The following ANO1 variants were observed in gnomAD, a reference collection of about 807,000 sequenced individuals.
ANO1 encodes the protein anoctamin-1.
A neutral mutation model predicts 124.0 loss-of-function variants in ANO1; 59 were observed. The observed-to-expected ratio is 0.48, with a 90% CI of 0.39 to 0.59. ANO1 has a LOEUF of 0.59. ANO1 is among the 20% of genes least tolerant of loss of function. ANO1 has a pLI of 0.00. For missense variants in ANO1, 1,059 were observed against 1,328.0 expected (o/e 0.80, Z 3.15); for synonymous variants, 529 against 532.0 (o/e 0.99, Z 0.08).
intron 24 of ANO1, among the ~76,000 whole-genome samples, chr11:70,185,313 C>T (rs900396424): frequency 6.6e-6 from 1 of 152,238 alleles, no homozygotes; most frequent in Admixed American, 6.5e-5. Context: ...TGTGAGCCCA[C>T]GGCTGGGCCT....
chr11:70,182,812 G>T, intron 24 of ANO1, 126 bp downstream of exon 24: 1 of 888,126 alleles, frequency 1.1e-6, no homozygotes, highest in Non-Finnish European at 1.5e-6. Flanking sequence ...AAAAGAAGAA[G>T]AAGGAAAAAA....
At chr11:70,096,956 C>G (rs2045003238) in intron 2 of ANO1, among the ~76,000 whole-genome samples, 1 of 152,086 alleles carries the variant, frequency 6.6e-6, no homozygotes, top group African/African-American at 2.4e-5. Flanking sequence ...TTCCACAATA[C>G]CAGTCCTCCC....
chr11:69,990,276 C>A (rs1856128441), intron 1 of ANO1, among the ~76,000 whole-genome samples: 1 of 152,128 alleles, frequency 6.6e-6, no homozygotes, highest in African/African-American at 2.4e-5. Context: ...TGTCTGGCTT[C>A]TTTCACTTGG....
Position 70,095,299 on chromosome 11 carries a change from G to GGAAGGAAGGAAGGAAA in ANO1, c.441+7218_441+7219insGGAAGGAAGGAAAGAA, listed in dbSNP as rs1555017361. On this transcript the variant is annotated intron_variant, in intron 2 of 25. Transcript: ENST00000355303. ...AGGAAGGAAGGAAGGAAGGAAGGAA[G>GGAAGGAAGGAAGGAAA]GAAAGAAAGAAAGAAAGAAAGGAAA... 6.7e-4 allele frequency among the ~76,000 whole-genome samples: 34 copies of GGAAGGAAGGAAGGAAA among 50,966 alleles called. 3 individuals are homozygous for GGAAGGAAGGAAGGAAA. The highest frequency in any genetic ancestry group is 3.0e-3 in the East Asian group (6 of 1,998). The allele number at this position is 50,966 out of a possible 152,430, so 33.4% of individuals were successfully genotyped here. A position where few individuals can be genotyped will look rare whatever the true frequency, so the allele number is the denominator to read the frequency against.
At chr11:69,976,054 G>C in the ANO1 span, among the ~76,000 whole-genome samples, 1 of 152,156 alleles carries the variant, frequency 6.6e-6, no homozygotes, top group Non-Finnish European at 1.5e-5. Flanking sequence ...ATGCACTGCT[G>C]GTTGCCCTTC....
chr11:70,073,378 G>A (rs531903803), upstream of ANO1, among the ~76,000 whole-genome samples: 22 of 152,314 alleles, frequency 1.4e-4, no homozygotes, highest in African/African-American at 3.1e-4. Flanking sequence ...GCGTCCGTCC[G>A]TGTGAATGCA....
chr11:70,101,512 C>T (rs573650669), intron 2 of ANO1, among the ~76,000 whole-genome samples: 40 of 146,432 alleles, frequency 2.7e-4, no homozygotes, highest in African/African-American at 8.9e-4. Context: ...GCTGAGAACA[C>T]GCCACTGCAT....
intron 1 of ANO1, among the ~76,000 whole-genome samples, chr11:70,039,959 T>G (rs1555004873): frequency 6.6e-6 from 1 of 152,160 alleles, no homozygotes; most frequent in Non-Finnish European, 1.5e-5. Context: ...CTCTGCTAGA[T>G]GACCCAGAAG....
chr11:70,033,314 G>T (rs1857036896), intron 1 of ANO1, among the ~76,000 whole-genome samples: 1 of 152,162 alleles, frequency 6.6e-6, no homozygotes, highest in South Asian at 2.1e-4. Context: ...CTTCTCTGTG[G>T]TTCCAACAAA....
chr11:69,971,634 G>A, the ANO1 span, among the ~76,000 whole-genome samples: 1 of 151,878 alleles, frequency 6.6e-6, no homozygotes, highest in African/African-American at 2.4e-5. Flanking sequence ...CTCACTGGCT[G>A]CCTCCCTGTC....
At chr11:70,179,485 T>C (rs752493349) in intron 22 of ANO1, among the ~76,000 whole-genome samples, 1 of 152,136 alleles carries the variant, frequency 6.6e-6, no homozygotes, top group Non-Finnish European at 1.5e-5. Flanking sequence ...CACCCCTGGG[T>C]CTTGGAGTAA....
Position 70,006,275 on chromosome 11 carries a change from G to A in ANO1, c.58+20109G>A, listed in dbSNP as rs140097479. Reference sequence around the variant, plus strand: ...AAAACTTTCTTCCACCCAAGCGTGTGTTCCCATTGTCAACCTGGTTTTCCC... The same window carrying A: ...AAAACTTTCTTCCACCCAAGCGTGTATTCCCATTGTCAACCTGGTTTTCCC... On this transcript the variant is annotated intron_variant, in intron 1 of 27. Transcript: ENST00000531349. Among the ~76,000 whole-genome samples the A allele has an allele frequency of 7.3e-3, 1,115 of 152,308 alleles. 45 individuals carry two copies. The highest frequency in any genetic ancestry group is 0.069 in the Admixed American group (1,060 of 15,300).
chr11:69,994,723 A>G (rs1208824439), intron 1 of ANO1, among the ~76,000 whole-genome samples: 1 of 152,188 alleles, frequency 6.6e-6, no homozygotes, highest in Non-Finnish European at 1.5e-5. Flanking sequence ...AACTGCTTCC[A>G]TCAGCTTGCA....
intron 21 of ANO1, among the ~76,000 whole-genome samples, chr11:70,167,817 A>G (rs2048315295): frequency 6.6e-6 from 1 of 152,072 alleles, no homozygotes; most frequent in Non-Finnish European, 1.5e-5. Flanking sequence ...CGGCCCTGCT[A>G]AGCTGCAAGA....
chr11:70,182,506 T>C lies in ANO1; in HGVS notation c.2408T>C (p.Phe803Ser), dbSNP rs755612025. Residue 803 changes from phenylalanine to serine, a missense_variant, in exon 24 of 26, where the codon TTC becomes TCC. Physicochemically the swap from Phe to Ser is radical, Grantham distance 155. This residue lies in a region of ANO1 where 809 missense variants were observed against 1,094.9 expected (regional missense o/e 0.74). Coordinates refer to ENST00000355303, the MANE Select transcript of ANO1 (RefSeq NM_018043.7). ...ACTGCCATGTCCCCTGCACAGGCCTTCGTGATCTCCTTCACGTCTGACTTC... is the reference window on the plus strand; with the variant it reads ...ACTGCCATGTCCCCTGCACAGGCCTCCGTGATCTCCTTCACGTCTGACTTC... ...IGKLAVIINA[F>S]VISFTSDFIP... The C allele has an allele frequency of 3.2e-6, 5 of 1,577,264 alleles. No individual in the cohort carries two copies. The Admixed American group carries it at 7.2e-5, about 23-fold the overall frequency.
intron 1 of ANO1, among the ~76,000 whole-genome samples, chr11:70,053,771 G>A (rs1555006523): frequency 1.3e-5 from 2 of 152,138 alleles, no homozygotes; most frequent in African/African-American, 4.8e-5. Context: ...ATTTCTTCCT[G>A]AAATGTCTAG....
At chr11:69,996,606 A>T (rs1418163221) in intron 1 of ANO1, among the ~76,000 whole-genome samples, 2 of 152,196 alleles carry the variant, frequency 1.3e-5, no homozygotes, top group African/African-American at 4.8e-5. Flanking sequence ...GCCAGGTCCA[A>T]CCTCGTCCTT....
chr11:70,163,600 T>C, intron 19 of ANO1: 3 of 602,322 alleles, frequency 5.0e-6, no homozygotes, highest in Admixed American at 3.2e-5. Flanking sequence ...TCTGGTTTTC[T>C]TTTCTTTTTT....
chr11:70,106,299 G>A (rs1170353750), intron 5 of ANO1, among the ~76,000 whole-genome samples: 1 of 152,214 alleles, frequency 6.6e-6, no homozygotes, highest in African/African-American at 2.4e-5. Context: ...CTGGCTTCAT[G>A]TTTATCCAAC....
Sources: gnomAD v4.1 joint callset for allele counts (sites outside exome capture counted in the v4.1 genomes callset) on GRCh38, gnomAD v4.1.1 for gene constraint, gnomAD v4.1.1 regional missense constraint, MANE v1.5 for transcripts, NCBI Gene and HGNC (gene_info 2026-07-23, HGNC 2026-07-21) for gene names.